The following DGKI variants were observed in gnomAD, a reference collection of about 807,000 sequenced individuals.
DGKI encodes the protein DAG kinase iota.
Under a neutral mutation model 147.5 loss-of-function variants are expected in DGKI, and 55 were observed. That is an observed-to-expected ratio of 0.37 (90% CI 0.30 to 0.47). The LOEUF is 0.47. Among genes scored for constraint, DGKI ranks in the 20% least tolerant of loss-of-function variants. The probability of loss-of-function intolerance (pLI) is 1.00; values close to 1 mark genes in which losing one functional copy is unlikely to be tolerated. For synonymous variants in DGKI, 469 were observed against 477.1 expected, an observed-to-expected ratio of 0.98 and a Z score of 0.22; for missense variants, 1,007 against 1,323.8, an observed-to-expected ratio of 0.76 and a Z score of 3.71.
At chr7:137,419,205 G>A (rs2128904974) in intron 28 of DGKI, among the ~76,000 whole-genome samples, 1 of 152,324 alleles carries the variant, frequency 6.6e-6, no homozygotes, top group Non-Finnish European at 1.5e-5. Flanking sequence ...ATGAATGCAT[G>A]ACATACAAAA....
intron 1 of DGKI, among the ~76,000 whole-genome samples, chr7:137,767,715 T>C (rs987781026): frequency 2.1e-4 from 32 of 152,234 alleles, no homozygotes; most frequent in African/African-American, 7.7e-4. Context: ...TACTTTGGTT[T>C]GAAGTCTGGC....
intron 24 of DGKI, among the ~76,000 whole-genome samples, chr7:137,468,644 T>C (rs1814754489): frequency 6.6e-6 from 1 of 152,196 alleles, no homozygotes; most frequent in Non-Finnish European, 1.5e-5. Flanking sequence ...TTCTGTGATC[T>C]GGCACCAAAG....
At chr7:137,537,416 T>C (rs1817556112) in intron 20 of DGKI, among the ~76,000 whole-genome samples, 1 of 152,114 alleles carries the variant, frequency 6.6e-6, no homozygotes, top group African/African-American at 2.4e-5. Flanking sequence ...TTTCCCTTTT[T>C]AGAAGTACTC....
intron 1 of DGKI, among the ~76,000 whole-genome samples, chr7:137,788,649 CACACACACACACACAT>C (rs543322084): frequency 0.057 from 4,026 of 71,192 alleles, 180 homozygotes; most frequent in African/African-American, 0.19. Context: ...CACACACACA[CACACACACACACACAT>C]ACACACACAC....
At chr7:137,603,017 T>C (rs1458160624) in intron 10 of DGKI, among the ~76,000 whole-genome samples, 1 of 152,102 alleles carries the variant, frequency 6.6e-6, no homozygotes, top group Non-Finnish European at 1.5e-5. Flanking sequence ...AAAAGAACAT[T>C]ATTCTTCCAA....
rs568336252 is a variant in DGKI at position 137,463,498 on chromosome 7, C to T, written c.2726G>A (p.Arg909His). 2.7e-5 allele frequency: 44 copies of T among 1,613,984 alleles called. No homozygotes were observed. Among genetic ancestry groups the T allele is most frequent in the East Asian group, 6.7e-5 (3 of 44,874 alleles). The change falls in exon 27 of 33, where the codon CGC (arginine) becomes CAC (histidine). Residue 909 changes from arginine (R) to histidine (H), a missense_variant. By Grantham distance (29) the Arg-to-His change is conservative. Around this residue, in one of 5 missense-constraint regions of DGKI, gnomAD observed 385 missense variants for 445.2 expected, o/e 0.86. Transcript: ENST00000614521. ...DSDLKDLSHS[R>H]VLQSPVSSED... The stretch of plus-strand genomic sequence containing the variant: ...GCAAGAGAACTCTTACTGTAGCACG[C>T]GGGAGTGGCTGAGATCTTTCAGATC...
chr7:137,454,617 T>C (rs187109518), intron 27 of DGKI: 1 of 152,102 alleles, frequency 6.6e-6, no homozygotes, highest in Non-Finnish European at 1.5e-5. Context: ...CCCAGCACAG[T>C]TGTGAAGCAA....
At chr7:137,460,348 T>C (rs1293353461) in intron 27 of DGKI, among the ~76,000 whole-genome samples, 2 of 152,164 alleles carry the variant, frequency 1.3e-5, no homozygotes, top group Non-Finnish European at 2.9e-5. Flanking sequence ...ACTATCGAAA[T>C]AGAGAAACAA....
chr7:137,410,687 A>G (rs2128900480), intron 29 of DGKI, among the ~76,000 whole-genome samples: 1 of 152,366 alleles, frequency 6.6e-6, no homozygotes, highest in South Asian at 2.1e-4. Flanking sequence ...CATATAGAAA[A>G]TAAAATGGAA....
intron 1 of DGKI, among the ~76,000 whole-genome samples, chr7:137,789,624 A>T (rs957877193): frequency 6.6e-6 from 1 of 152,218 alleles, no homozygotes; most frequent in Non-Finnish European, 1.5e-5. Flanking sequence ...AGGAAAAAAA[A>T]ACACACAAAA....
chr7:137,648,673 T>C (rs543393734), intron 5 of DGKI, among the ~76,000 whole-genome samples: 1 of 152,316 alleles, frequency 6.6e-6, no homozygotes, highest in South Asian at 2.1e-4. Flanking sequence ...GCATGCAATT[T>C]AAAACTTACG....
rs1811080225 is a variant in DGKI at position 137,382,358 on chromosome 7, T to C, written c.*8862A>G. The C allele has an allele frequency of 6.6e-6, 1 of 152,014 alleles. No homozygotes were observed. Among genetic ancestry groups the C allele is most frequent in the Non-Finnish European group, 1.5e-5 (1 of 67,974 alleles). 9.4% of individuals were successfully genotyped at this position (152,014 alleles called of 1,614,324 possible). ...AAATATTCCTTATTTTTTTCAAACTTTATCAGGGACCAGAACAAGTTTGTG... is the reference window on the plus strand; with the variant it reads ...AAATATTCCTTATTTTTTTCAAACTCTATCAGGGACCAGAACAAGTTTGTG... On this transcript the variant is annotated 3_prime_UTR_variant, in exon 33 of 33. Coordinates refer to ENST00000614521, the MANE Select transcript of DGKI (RefSeq NM_001321708.2).
intron 3 of DGKI, among the ~76,000 whole-genome samples, chr7:137,660,252 C>G (rs1327586625): frequency 2.0e-5 from 3 of 152,066 alleles, no homozygotes; most frequent in Non-Finnish European, 4.4e-5. Flanking sequence ...TCCGTTTAAA[C>G]TAAGACAATA....
At chr7:137,816,776 G>A (rs1797749140) in intron 1 of DGKI, among the ~76,000 whole-genome samples, 3 of 152,210 alleles carry the variant, frequency 2.0e-5, no homozygotes, top group Admixed American at 6.5e-5. Flanking sequence ...GGGTGAGTAA[G>A]GAAGCTGCTA....
rs571158668 is a variant in DGKI, at chr7:137,593,736, G to T, written c.1311+4111C>A. On this transcript the variant is annotated intron_variant, in intron 12 of 32. Coordinates refer to ENST00000614521, the MANE Select transcript of DGKI (RefSeq NM_001321708.2). ...TTTATAAATTAACACATATTGAAATGATACTATTTTAGATAAATAAAATAT... is the reference window on the plus strand; with the variant it reads ...TTTATAAATTAACACATATTGAAATTATACTATTTTAGATAAATAAAATAT... Among the ~76,000 whole-genome samples, 228 of 146,548 alleles carry T rather than the reference G, an allele frequency of 1.6e-3. 1 individual carries two copies. Among genetic ancestry groups the T allele is most frequent in the Middle Eastern group, 3.4e-3 (1 of 294 alleles).
intron 32 of DGKI, among the ~76,000 whole-genome samples, chr7:137,394,732 A>G (rs147544152): frequency 2.3e-3 from 349 of 152,324 alleles, no homozygotes; most frequent in Non-Finnish European, 3.8e-3. Context: ...TCAGATTTAC[A>G]TAACTTTTGC....
At position 137,421,305 on chromosome 7, in the gene DGKI, T is replaced by G. The variant is rs568461861; in HGVS notation, c.2762-9098A>C. On this transcript the variant is annotated intron_variant, in intron 28 of 32. Transcript: ENST00000614521. Reference sequence around the variant, plus strand: ...CCACCTGTGCCAAATCCATCTTAGATTGTGTAACCATAGATGGGAGACAAA... The same window carrying G: ...CCACCTGTGCCAAATCCATCTTAGAGTGTGTAACCATAGATGGGAGACAAA... 1.4e-4 allele frequency among the ~76,000 whole-genome samples: 22 copies of G among 152,336 alleles called. No homozygotes were observed. In the East Asian group the frequency reaches 4.2e-3, roughly 29 times the overall value.
chr7:137,672,919 G>T (rs1462668503), intron 3 of DGKI, among the ~76,000 whole-genome samples: 1 of 151,846 alleles, frequency 6.6e-6, no homozygotes, highest in Non-Finnish European at 1.5e-5. Flanking sequence ...ATGCCGCCGG[G>T]ATTGCAGGCA....
At chr7:137,677,168 A>C (rs1383307629) in intron 3 of DGKI, among the ~76,000 whole-genome samples, 1 of 152,254 alleles carries the variant, frequency 6.6e-6, no homozygotes, top group Non-Finnish European at 1.5e-5. Flanking sequence ...AAAAATACAT[A>C]TGCATAAAGT....
Sources: gnomAD v4.1 joint callset for allele counts (sites outside exome capture counted in the v4.1 genomes callset) on GRCh38, gnomAD v4.1.1 for gene constraint, gnomAD v4.1.1 regional missense constraint, MANE v1.5 for transcripts, NCBI Gene and HGNC (gene_info 2026-07-23, HGNC 2026-07-21) for gene names.